SDF4: variants seen among roughly 807,000 people sequenced by gnomAD.
SDF4 encodes 45 kDa calcium-binding protein.
SDF4 carries 22 observed loss-of-function variants against 34.2 expected under a neutral mutation model. The observed-to-expected ratio is 0.64, with a 90% CI of 0.46 to 0.92. The LOEUF is 0.92. Among genes scored for constraint, SDF4 ranks in the 40% least tolerant of loss-of-function variants. SDF4 has a pLI of 0.00. For missense variants in SDF4, 447 were observed against 499.9 expected (o/e 0.89, Z 1.01); for synonymous variants, 236 against 203.1 (o/e 1.16, Z -1.38).
At position 1,217,540 on chromosome 1, in the gene SDF4, T is replaced by C; in HGVS notation, c.1040A>G (p.Tyr347Cys). The change falls in exon 7 of 7, where the codon TAC becomes TGC. Residue 347 changes from tyrosine (Y) to cysteine (C), a missense_variant. Transcript: ENST00000360001. The surrounding 1 kb of genome is among the most constrained non-coding windows in gnomAD (Gnocchi z 8.5). ...AAACTCCTCGTGCACGCTGCGCGCG[T>C]AGTCCACCAGCTTGCTGCCCGTGAA... The part of the protein sequence containing the change: ...EFFTGSKLVD[Y>C]ARSVHEEF The C allele has an allele frequency of 6.2e-7, 1 of 1,612,360 alleles. No individual in the cohort carries two copies.
rs377743917 is a variant in SDF4, at chr1:1,218,625, C to T, written c.724G>A (p.Gly242Ser). ...KEIVRDLDQD[G>S]DKQLSVPEFI... The stretch of plus-strand genomic sequence containing the variant: ...TCGGGCACAGAGAGCTGCTTGTCAC[C>T]GTCCTGGTCTGCGAGACGGGAATGG... Residue 242 changes from glycine (G) to serine (S), a missense_variant, in exon 6 of 7, where the codon GGT becomes AGT. Coordinates refer to ENST00000360001, the MANE Select transcript of SDF4 (RefSeq NM_016176.6). The surrounding 1 kb of genome is among the most constrained non-coding windows in gnomAD (Gnocchi z 7.9). 59 of 1,613,748 alleles carry T rather than the reference C, an allele frequency of 3.7e-5. No individual in the cohort carries two copies. Among genetic ancestry groups the T allele is most frequent in the Non-Finnish European group, 4.3e-5 (51 of 1,179,920 alleles).
chr1:1,229,165 T>C (rs931822551), intron 1 of SDF4, among the ~76,000 whole-genome samples: 1 of 151,910 alleles, frequency 6.6e-6, no homozygotes, highest in African/African-American at 2.4e-5. Flanking sequence ...CACGTGGCAT[T>C]TGTTTTCTCC....
rs1161446949 is a variant in SDF4, at chr1:1,228,717, A to C, written c.56T>G (p.Leu19Arg). Reference sequence around the variant, plus strand: ...CGCGTCCATCAGAAGGACTGCCCCCAGGAGCCAGAGGCAGCACGGAGCCAG... The same window carrying C: ...CGCGTCCATCAGAAGGACTGCCCCCCGGAGCCAGAGGCAGCACGGAGCCAG... Reference protein sequence around the residue: ...IGLAPCCLWLLGAVLLMDASA... With the variant: ...IGLAPCCLWLRGAVLLMDASA... The change falls in exon 2 of 7, where the codon CTG becomes CGG. Residue 19 changes from leucine to arginine, a missense_variant. By Grantham distance (102) the Leu-to-Arg change is moderately radical. Transcript: ENST00000360001. 1.2e-6 allele frequency: 2 copies of C among 1,612,862 alleles called. No homozygotes were observed. The highest frequency in any genetic ancestry group is 1.7e-6 in the Non-Finnish European group (2 of 1,180,008).
At chr1:1,226,050 C>T (rs549574938) in intron 2 of SDF4, among the ~76,000 whole-genome samples, 2 of 152,336 alleles carry the variant, frequency 1.3e-5, no homozygotes, top group Admixed American at 1.3e-4. Context: ...GGTGCACACA[C>T]GCATGTTATC....
rs924996604 is a variant in SDF4, at chr1:1,217,346, G to A, written c.*166C>T. ...CACAGCCAAAGCCCCGCCGGGGTGC[G>A]CGCTGCAGAGGGGACACGCCGCTCA... On this transcript the variant is annotated 3_prime_UTR_variant, in exon 7 of 7. Coordinates refer to ENST00000360001, the MANE Select transcript of SDF4 (RefSeq NM_016176.6). The surrounding 1 kb of genome is among the most constrained non-coding windows in gnomAD (Gnocchi z 8.5). 49 of 441,368 alleles carry A rather than the reference G, an allele frequency of 1.1e-4. No individual in the cohort carries two copies. The highest frequency in any genetic ancestry group is 1.9e-4 in the East Asian group (3 of 16,050). The allele number at this position is 441,368 out of a possible 1,614,324, so 27.3% of individuals were successfully genotyped here.
intron 2 of SDF4, 97 bp downstream of exon 2, chr1:1,228,371 C>T (rs1638377222): frequency 1.5e-6 from 2 of 1,350,114 alleles, no homozygotes; most frequent in East Asian, 2.5e-5. Flanking sequence ...GGTCCCGACA[C>T]AGGGCCCGGC....
chr1:1,222,576 A>G (rs1291723835), intron 4 of SDF4, among the ~76,000 whole-genome samples: 1 of 152,258 alleles, frequency 6.6e-6, no homozygotes, highest in East Asian at 1.9e-4. Context: ...CCTCAGGCAC[A>G]GGCTGTGCCC....
In SDF4 at chr1:1,220,796, G is replaced by A. The variant is rs560184966; in HGVS notation, c.557-1869C>T. 71 of 1,275,618 alleles carry A rather than the reference G, an allele frequency of 5.6e-5. No individual in the cohort carries two copies. In the Admixed American group the frequency reaches 6.4e-4, roughly 12 times the overall value. The allele number at this position is 1,275,618 out of a possible 1,614,324, so 79.0% of individuals were successfully genotyped here. A position where few individuals can be genotyped will look rare whatever the true frequency, so the allele number is the denominator to read the frequency against. On this transcript the variant is annotated intron_variant, in intron 4 of 6. Transcript: ENST00000360001. ...ACAGACACAATCAGAGTTGGGGGGC[G>A]GGCACGGGCAAGGCCTCCTGCCCCA...
At chr1:1,222,693 G>C (rs1010365575) in intron 4 of SDF4, among the ~76,000 whole-genome samples, 2 of 152,400 alleles carry the variant, frequency 1.3e-5, no homozygotes, top group Middle Eastern at 3.4e-3. Flanking sequence ...TAACGGCCGT[G>C]AAGGTGCCGT....
At chr1:1,221,561 C>T (rs1368008290) in intron 4 of SDF4, among the ~76,000 whole-genome samples, 1 of 152,002 alleles carries the variant, frequency 6.6e-6, no homozygotes, top group Non-Finnish European at 1.5e-5. Flanking sequence ...AGATTGAGCC[C>T]AGGATGTGGA....
chr1:1,222,101 C>T (rs1193505360), intron 4 of SDF4, among the ~76,000 whole-genome samples: 1 of 152,220 alleles, frequency 6.6e-6, no homozygotes, highest in Non-Finnish European at 1.5e-5. Flanking sequence ...GTGGGCGACA[C>T]GGGCGCCCTG....
chr1:1,220,269 G>A, intron 4 of SDF4: 1 of 1,053,670 alleles, frequency 9.5e-7, no homozygotes, highest in South Asian at 3.1e-5. Context: ...TGCTGTCCCT[G>A]TGAGAAGAGG....
intron 2 of SDF4, 60 bp downstream of exon 2, chr1:1,228,408 G>A: frequency 6.6e-7 from 1 of 1,505,856 alleles, no homozygotes; most frequent in Non-Finnish European, 8.9e-7. Context: ...AGCCAGGATA[G>A]GAACACACAG....
chr1:1,221,255 C>G (rs1403101688), intron 4 of SDF4: 1 of 163,804 alleles, frequency 6.1e-6, no homozygotes, highest in Non-Finnish European at 1.3e-5. Flanking sequence ...CCTGCAACCC[C>G]AGGATGGGGA....
chr1:1,219,660 C>G (rs1649798081), intron 4 of SDF4: 3 of 986,266 alleles, frequency 3.0e-6, no homozygotes, highest in African/African-American at 3.5e-5. Flanking sequence ...CCCACCCGGC[C>G]CCAACGGGCC....
In SDF4 at chr1:1,228,864, C is replaced by T. The variant is rs1308314633; in HGVS notation, c.-92G>A. On this transcript the variant is annotated 5_prime_UTR_variant, in exon 2 of 7. Coordinates refer to ENST00000360001, the MANE Select transcript of SDF4 (RefSeq NM_016176.6). ...CAGGGGCAGAGGAGGAAGTGAGGTC[C>T]TGGCTCCAATCCAATCCCCGGGCAC... The T allele has an allele frequency of 8.1e-7, 1 of 1,240,002 alleles. No individual in the cohort carries two copies. Among genetic ancestry groups the T allele is most frequent in the Non-Finnish European group, 1.1e-6 (1 of 901,036 alleles). 76.8% of individuals were successfully genotyped at this position (1,240,002 alleles called of 1,614,324 possible).
intron 1 of SDF4, among the ~76,000 whole-genome samples, chr1:1,229,338 C>A (rs535148102): frequency 6.6e-6 from 1 of 152,184 alleles, no homozygotes; most frequent in African/African-American, 2.4e-5. Flanking sequence ...ACCGGAGCAG[C>A]TGCGACCACA....
Position 1,231,943 on chromosome 1 carries a change from A to T in SDF4, c.-226T>A, listed in dbSNP as rs2100992253. The T allele has an allele frequency of 6.6e-6, 1 of 152,158 alleles. No individual in the cohort carries two copies. The highest frequency in any genetic ancestry group is 2.1e-4 in the South Asian group (1 of 4,826). The allele number at this position is 152,158 out of a possible 1,614,324, so 9.4% of individuals were successfully genotyped here. A position where few individuals can be genotyped will look rare whatever the true frequency, so the allele number is the denominator to read the frequency against. ...CGAGGACCGGAGCGAAGCGTCAGTG[A>T]CGCCGCCAACGGGCCCGGATCAGGC... On this transcript the variant is annotated 5_prime_UTR_variant, in exon 1 of 7. Coordinates refer to ENST00000360001, the MANE Select transcript of SDF4 (RefSeq NM_016176.6).
At chr1:1,229,287 C>G (rs1462852712) in intron 1 of SDF4, among the ~76,000 whole-genome samples, 2 of 152,204 alleles carry the variant, frequency 1.3e-5, no homozygotes, top group Non-Finnish European at 2.9e-5. Context: ...CTCCTGGGCT[C>G]AGGTGATGCT....
Sources: allele counts gnomAD v4.1 joint callset (sites outside exome capture counted in the v4.1 genomes callset), GRCh38; gene constraint gnomAD v4.1.1; non-coding constraint Gnocchi (gnomAD v3.1); transcripts MANE v1.5; gene names NCBI Gene and HGNC (gene_info 2026-07-23, HGNC 2026-07-21).